Variants in TBC1D2B observed in about 807,000 individuals in gnomAD.
The protein encoded by TBC1D2B is TBC1 domain family, member 2B.
In TBC1D2B, 64 loss-of-function variants were observed where a neutral mutation model predicts 100.8. The observed-to-expected ratio is 0.64, with a 90% CI of 0.52 to 0.78. The LOEUF (loss-of-function observed/expected upper bound fraction) is 0.78, where lower values mean the gene tolerates loss of function less well. TBC1D2B is among the 30% of genes least tolerant of loss of function. The pLI, the probability that TBC1D2B is intolerant of heterozygous loss-of-function variation, is 0.00. For synonymous variants in TBC1D2B, 480 were observed against 479.7 expected, an observed-to-expected ratio of 1.00 and a Z score of -0.01; for missense variants, 1,052 against 1,218.4, an observed-to-expected ratio of 0.86 and a Z score of 2.03.
Position 78,001,743 on chromosome 15 carries a change from G to C in TBC1D2B, c.2575-3C>G. The C allele has an allele frequency of 6.2e-7, 1 of 1,603,540 alleles. No homozygotes were observed. The highest frequency in any genetic ancestry group is 8.5e-7 in the Non-Finnish European group (1 of 1,174,994). ...GCCAGAGCAAAACGGAAAATAACCTGTGGAATAAACAGGGAAATCTGTTAG... is the reference window on the plus strand; with the variant it reads ...GCCAGAGCAAAACGGAAAATAACCTCTGGAATAAACAGGGAAATCTGTTAG... On this transcript the variant is annotated splice_region_variant and splice_polypyrimidine_tract_variant and intron_variant, in intron 11 of 12. Transcript: ENST00000300584.
At chr15:78,004,835 C>T (rs2072023725) in intron 10 of TBC1D2B, among the ~76,000 whole-genome samples, 1 of 152,168 alleles carries the variant, frequency 6.6e-6, no homozygotes, top group South Asian at 2.1e-4. Context: ...CCTGTGAATA[C>T]TGTATTTTCA....
Position 78,025,374 on chromosome 15 carries a change from C to T in TBC1D2B, c.971G>A (p.Gly324Asp). 6.2e-7 allele frequency: 1 copy of T among 1,613,956 alleles called. No homozygotes were observed. Among genetic ancestry groups the T allele is most frequent in the Non-Finnish European group, 8.5e-7 (1 of 1,179,874 alleles). ...RHSSGDPSSE[G>D]TSGSGSVSIR... ...GCTGACGCTGCCACTGCCTGATGTG[C>T]CTTCACTTGAAGGGTCACCACTGCT... The change falls in exon 5 of 13, where the codon GGC becomes GAC. Residue 324 changes from glycine (G) to aspartate (D), a missense_variant. Coordinates refer to ENST00000300584, the MANE Select transcript of TBC1D2B (RefSeq NM_144572.2).
chr15:77,996,261 G>A lies in TBC1D2B; in HGVS notation c.*1899C>T, dbSNP rs966710270. ...AGGGCAAACTGGACAACACGAGCCTGTCCCTAAAGGCAGCTCTTAGCCCCA... is the reference window on the plus strand; with the variant it reads ...AGGGCAAACTGGACAACACGAGCCTATCCCTAAAGGCAGCTCTTAGCCCCA... On this transcript the variant is annotated 3_prime_UTR_variant, in exon 13 of 13. Coordinates refer to ENST00000300584, the MANE Select transcript of TBC1D2B (RefSeq NM_144572.2). 9 of 152,112 alleles carry A rather than the reference G, an allele frequency of 5.9e-5. No homozygotes were observed. The highest frequency in any genetic ancestry group is 1.9e-4 in the African/African-American group (8 of 41,416). The allele number at this position is 152,112 out of a possible 1,614,324, so 9.4% of individuals were successfully genotyped here.
Position 78,024,230 on chromosome 15 carries a change from G to A in TBC1D2B, c.1396C>T (p.Pro466Ser). The A allele has an allele frequency of 6.2e-7, 1 of 1,613,910 alleles. No homozygotes were observed. The highest frequency in any genetic ancestry group is 1.6e-4 in the Middle Eastern group (1 of 6,062). ...GGGGAGCTGGGCGCCACGGTGGGAG[G>A]AGGCCCGTTGCCCTCGCCCTCGCTG... ...KLSEGEGNGP[P>S]PTVAPSSPSV... Residue 466 changes from proline (P) to serine (S), a missense_variant, in exon 6 of 13, where the codon CCT (proline) becomes TCT (serine). This residue lies in a region of TBC1D2B where 627 missense variants were observed against 646.1 expected (regional missense o/e 0.97). Transcript: ENST00000300584.
At chr15:78,061,377 A>C (rs1170314691) in intron 1 of TBC1D2B, among the ~76,000 whole-genome samples, 2 of 152,082 alleles carry the variant, frequency 1.3e-5, no homozygotes, top group African/African-American at 4.8e-5. Flanking sequence ...GTTCAAGACC[A>C]GCCTGGCCAA....
At chr15:78,055,810 A>T (rs989114461) in intron 1 of TBC1D2B, among the ~76,000 whole-genome samples, 1 of 152,252 alleles carries the variant, frequency 6.6e-6, no homozygotes, top group Non-Finnish European at 1.5e-5. Context: ...TCAGGTACCC[A>T]GACCTGGGGC....
At chr15:78,040,618 A>AAG (rs10657887) in intron 3 of TBC1D2B, among the ~76,000 whole-genome samples, 18 of 132,512 alleles carry the variant, frequency 1.4e-4, no homozygotes, top group East Asian at 4.3e-4. Flanking sequence ...GAGAGAAAGA[A>AAG]AGAGAGAGAG....
At chr15:78,070,486 T>G (rs2073726916) in intron 1 of TBC1D2B, among the ~76,000 whole-genome samples, 1 of 152,224 alleles carries the variant, frequency 6.6e-6, no homozygotes, top group African/African-American at 2.4e-5. Flanking sequence ...AGGGACTGTT[T>G]GTCTTGTCCA....
At chr15:78,049,796 C>T (rs967700327) in intron 2 of TBC1D2B, among the ~76,000 whole-genome samples, 4 of 152,000 alleles carry the variant, frequency 2.6e-5, no homozygotes, top group South Asian at 2.1e-4. Flanking sequence ...TCAGCATCTC[C>T]CTCACATCCT....
intron 1 of TBC1D2B, 47 bp downstream of exon 1, chr15:78,077,246 G>A (rs941625393): frequency 6.4e-6 from 9 of 1,402,936 alleles, no homozygotes; most frequent in African/African-American, 1.5e-5. Context: ...CGGAGGCAGG[G>A]GACGCCGGCG....
Position 78,030,090 on chromosome 15 carries a change from T to G in TBC1D2B, c.764A>C (p.Glu255Ala). 1 of 1,613,920 alleles carries G rather than the reference T, an allele frequency of 6.2e-7. No homozygotes were observed. Among genetic ancestry groups the G allele is most frequent in the East Asian group, 2.2e-5 (1 of 44,870 alleles). ...RTVFYTNEEW[E>A]LLDPTPKDLE... ...GTCCTTAGGGGTTGGGTCTAAAAGT[T>G]CCCACTCTTCATTGGTATAAAACAC... The change falls in exon 4 of 13, where the codon GAA becomes GCA. Residue 255 changes from glutamate to alanine, a missense_variant. This residue lies in a region of TBC1D2B where 627 missense variants were observed against 646.1 expected (regional missense o/e 0.97). Transcript: ENST00000300584.
At chr15:78,073,250 A>G (rs1001389611) in intron 1 of TBC1D2B, among the ~76,000 whole-genome samples, 3 of 152,232 alleles carry the variant, frequency 2.0e-5, no homozygotes, top group African/African-American at 7.2e-5. Context: ...GTTTCCCAAG[A>G]AATTCCTATA....
intron 1 of TBC1D2B, among the ~76,000 whole-genome samples, chr15:78,072,487 T>A (rs2073755820): frequency 6.6e-6 from 1 of 152,216 alleles, no homozygotes; most frequent in Non-Finnish European, 1.5e-5. Flanking sequence ...ACCACATCTA[T>A]TTTGCACTGA....
chr15:78,037,560 G>C (rs1383691216), intron 3 of TBC1D2B, among the ~76,000 whole-genome samples: 1 of 152,086 alleles, frequency 6.6e-6, no homozygotes, highest in Non-Finnish European at 1.5e-5. Flanking sequence ...GCTGACAGCG[G>C]GGAGGGACAG....
chr15:78,017,274 TACAGCTCATTTGATG>T (rs1475960148), intron 7 of TBC1D2B: 2 of 153,778 alleles, frequency 1.3e-5, no homozygotes, highest in African/African-American at 4.8e-5. Flanking sequence ...ATCATTTGAT[TACAGCTCATTTGATG>T]ACAGCTGAAA....
In TBC1D2B at chr15:78,025,507, A is replaced by T; in HGVS notation, c.848-10T>A. ...CCTGAGCCAGTTACTCCTACATAAAAATAAAACTTGTATTTTATTATTATT... is the reference window on the plus strand; with the variant it reads ...CCTGAGCCAGTTACTCCTACATAAATATAAAACTTGTATTTTATTATTATT... On this transcript the variant is annotated splice_polypyrimidine_tract_variant and intron_variant, in intron 4 of 12. Transcript: ENST00000300584. 6.5e-7 allele frequency: 1 copy of T among 1,548,280 alleles called. No homozygotes were observed. The highest frequency in any genetic ancestry group is 8.7e-7 in the Non-Finnish European group (1 of 1,143,902).
intron 8 of TBC1D2B, 110 bp from the exon 9 acceptor site, chr15:78,013,427 G>C (rs1177070570): frequency 9.9e-7 from 1 of 1,005,964 alleles, no homozygotes; most frequent in Non-Finnish European, 1.4e-6. Context: ...GTGGTACTTT[G>C]AACTATGAGA....
intron 8 of TBC1D2B, among the ~76,000 whole-genome samples, chr15:78,013,729 TA>T (rs113548464): frequency 0.27 from 40,347 of 151,634 alleles, 5,833 homozygotes; most frequent in East Asian, 0.35. Flanking sequence ...TTTAAAAGAT[TA>T]AAAAAAAACA....
intron 1 of TBC1D2B, among the ~76,000 whole-genome samples, chr15:78,057,532 G>A (rs557840119): frequency 6.6e-6 from 1 of 152,280 alleles, no homozygotes; most frequent in Admixed American, 6.5e-5. Context: ...CGTAATCCCA[G>A]CTACTTGGGA....
Sources: gnomAD v4.1 joint callset for allele counts (sites outside exome capture counted in the v4.1 genomes callset) on GRCh38, gnomAD v4.1.1 for gene constraint, gnomAD v4.1.1 regional missense constraint, MANE v1.5 for transcripts, NCBI Gene and HGNC (gene_info 2026-07-23, HGNC 2026-07-21) for gene names.